Variants in C10orf143 observed in about 807,000 individuals in gnomAD.
The protein encoded by C10orf143 is chromosome 10 open reading frame 143, also known as uncharacterized protein C10orf143.
chr10:130,106,390 C>G (rs938394848), intron 1 of C10orf143: 13 of 1,602,528 alleles, frequency 8.1e-6, no homozygotes, highest in Non-Finnish European at 9.4e-6. Flanking sequence ...TAGAGGATGC[C>G]AGCTTTGAGA....
At chr10:130,036,288 C>A (rs1860544334) in intron 3 of C10orf143, among the ~76,000 whole-genome samples, 1 of 152,168 alleles carries the variant, frequency 6.6e-6, no homozygotes, top group African/African-American at 2.4e-5. Flanking sequence ...TGACGAGGAG[C>A]CCATCTGGGG....
At chr10:130,082,683 T>G (rs1861228716) in intron 1 of C10orf143, among the ~76,000 whole-genome samples, 1 of 152,210 alleles carries the variant, frequency 6.6e-6, no homozygotes, top group African/African-American at 2.4e-5. Context: ...CCATTAAACT[T>G]CTTTTTCTTT....
At chr10:130,090,011 G>C (rs1407497189) in intron 1 of C10orf143, among the ~76,000 whole-genome samples, 1 of 152,134 alleles carries the variant, frequency 6.6e-6, no homozygotes, top group Non-Finnish European at 1.5e-5. Context: ...ATATTTCTCA[G>C]ATACAACACC....
intron 3 of C10orf143, among the ~76,000 whole-genome samples, chr10:130,077,238 GA>G (rs1415215398): frequency 6.6e-6 from 1 of 152,062 alleles, no homozygotes; most frequent in African/African-American, 2.4e-5. Flanking sequence ...TTGCATATGA[GA>G]AAATGTCAAA....
chr10:130,045,591 G>A (rs541999400), intron 3 of C10orf143, among the ~76,000 whole-genome samples: 16 of 152,318 alleles, frequency 1.1e-4, no homozygotes, highest in Non-Finnish European at 2.4e-4. Context: ...TTCCGGGAAC[G>A]TTTCTGTTCT....
At chr10:130,090,744 GC>G in intron 1 of C10orf143, among the ~76,000 whole-genome samples, 1 of 152,160 alleles carries the variant, frequency 6.6e-6, no homozygotes, top group East Asian at 1.9e-4. Context: ...CGGGGCATCT[GC>G]CATTACCAAG....
At chr10:130,072,077 G>C (rs941675289) in intron 3 of C10orf143, among the ~76,000 whole-genome samples, 2 of 142,748 alleles carry the variant, frequency 1.4e-5, no homozygotes, top group African/African-American at 5.2e-5. Context: ...ATAACTAATT[G>C]CCCTGGCACA....
At chr10:130,049,053 C>T (rs1480105338) in intron 3 of C10orf143, among the ~76,000 whole-genome samples, 8 of 152,140 alleles carry the variant, frequency 5.3e-5, no homozygotes, top group Admixed American at 2.6e-4. Flanking sequence ...TGTGCAAGGC[C>T]GCAGCTGGCC....
chr10:130,081,059 C>A (rs1053670190), intron 1 of C10orf143, among the ~76,000 whole-genome samples: 2 of 152,010 alleles, frequency 1.3e-5, no homozygotes, highest in African/African-American at 4.8e-5. Context: ...CCTTCTACAT[C>A]CAAAATTTTA....
chr10:130,036,660 A>G (rs1374159543), intron 3 of C10orf143, among the ~76,000 whole-genome samples: 2 of 152,188 alleles, frequency 1.3e-5, no homozygotes, highest in Non-Finnish European at 2.9e-5. Flanking sequence ...GGAAGCCCAC[A>G]TGGCTTGGAG....
At chr10:130,098,004 T>C (rs916867919) in intron 1 of C10orf143, among the ~76,000 whole-genome samples, 2 of 139,540 alleles carry the variant, frequency 1.4e-5, no homozygotes, top group African/African-American at 5.1e-5. Context: ...TAAAAACCAC[T>C]TAATTACACA....
intron 1 of C10orf143, among the ~76,000 whole-genome samples, chr10:130,093,961 G>C (rs1258451882): frequency 6.7e-6 from 1 of 150,168 alleles, no homozygotes; most frequent in African/African-American, 2.5e-5. Flanking sequence ...AGTAAGCCAA[G>C]ATCGTGCCAC....
At chr10:130,107,025 T>A in intron 1 of C10orf143, 1 of 1,244,706 alleles carries the variant, frequency 8.0e-7, no homozygotes, top group Non-Finnish European at 1.2e-6. Context: ...TTAAAAACCT[T>A]AGAAGGAGAA....
intron 3 of C10orf143, among the ~76,000 whole-genome samples, chr10:130,077,802 G>T (rs1016973150): frequency 3.3e-4 from 51 of 152,296 alleles, no homozygotes; most frequent in Admixed American, 2.2e-3. Flanking sequence ...CATATTATTA[G>T]AAGAAGAAGA....
At chr10:130,092,815 CAAAG>C (rs1033111316) in intron 1 of C10orf143, among the ~76,000 whole-genome samples, 11 of 152,132 alleles carry the variant, frequency 7.2e-5, no homozygotes, top group African/African-American at 2.7e-4. Context: ...AAAAAAAAGA[CAAAG>C]AAGGGCATTA....
intron 3 of C10orf143, among the ~76,000 whole-genome samples, chr10:130,041,889 C>T (rs183008721): frequency 6.6e-5 from 10 of 152,282 alleles, no homozygotes; most frequent in East Asian, 3.9e-4. Context: ...GTGTAACACA[C>T]ACACACACAC....
Position 130,101,863 on chromosome 10 carries a change from AC to A in C10orf143, c.69+8840del, listed in dbSNP as rs775523876. Among the ~76,000 whole-genome samples the A allele has an allele frequency of 4.6e-3, 156 of 33,640 alleles. 30 individuals carry two copies. Among genetic ancestry groups the A allele is most frequent in the Middle Eastern group, 0.015 (1 of 66 alleles). The allele number at this position is 33,640 out of a possible 152,430, so 22.1% of individuals were successfully genotyped here. ...AGACTCTGTCTCAAAAAAAAAAAAA[AC>A]CAAAAAAAAAAAAAAAAAAAACTTT... On this transcript the variant is annotated intron_variant, in intron 1 of 3. Coordinates refer to ENST00000637128, the MANE Select transcript of C10orf143 (RefSeq NM_001355042.2).
At chr10:130,044,571 G>A (rs10764927) in intron 3 of C10orf143, among the ~76,000 whole-genome samples, 85,129 of 152,064 alleles carry the variant, frequency 0.56, 23,893 homozygotes, top group East Asian at 0.69. Context: ...CTAAGGGCTC[G>A]GAAAGGCATC....
intron 1 of C10orf143, among the ~76,000 whole-genome samples, chr10:130,093,962 A>C (rs1861423685): frequency 6.6e-6 from 1 of 151,170 alleles, no homozygotes; most frequent in Non-Finnish European, 1.5e-5. Flanking sequence ...GTAAGCCAAG[A>C]TCGTGCCACT....
Sources: gnomAD v4.1 joint callset for allele counts (sites outside exome capture counted in the v4.1 genomes callset) on GRCh38, gnomAD v4.1.1 for gene constraint, MANE v1.5 for transcripts, NCBI Gene and HGNC (gene_info 2026-07-23, HGNC 2026-07-21) for gene names.